Variants in MKLN1 observed in about 807,000 individuals in gnomAD.
MKLN1 encodes muskelin 1.
A neutral mutation model predicts 99.0 loss-of-function variants in MKLN1; 18 were observed. The observed-to-expected ratio is 0.18, with a 90% CI of 0.13 to 0.27. The LOEUF is 0.27. Ranked by LOEUF, MKLN1 falls within the 10% of genes least tolerant of loss-of-function variation. The probability of loss-of-function intolerance (pLI) is 1.00; values close to 1 mark genes in which losing one functional copy is unlikely to be tolerated. For synonymous variants in MKLN1, 288 were observed against 293.2 expected (o/e 0.98, Z 0.18); for missense variants, 621 against 875.9 (o/e 0.71, Z 3.67).
At chr7:131,223,164 A>C (rs1003170630) in intron 3 of MKLN1, among the ~76,000 whole-genome samples, 1 of 152,224 alleles carries the variant, frequency 6.6e-6, no homozygotes, top group Non-Finnish European at 1.5e-5. Flanking sequence ...GGGTGAGTTT[A>C]TAGGGATTCT....
intron 1 of MKLN1, among the ~76,000 whole-genome samples, chr7:131,119,418 A>G (rs1329801864): frequency 1.3e-5 from 2 of 152,132 alleles, no homozygotes; most frequent in African/African-American, 2.4e-5. Context: ...TGGCTTTTCC[A>G]GGGCATAGTG....
chr7:131,464,650 C>G (rs1303773570), intron 14 of MKLN1, among the ~76,000 whole-genome samples: 1 of 152,156 alleles, frequency 6.6e-6, no homozygotes, highest in African/African-American at 2.4e-5. Flanking sequence ...GTGGCAGCTT[C>G]TTAGCTGTAT....
chr7:131,412,884 G>A (rs1210579768), intron 7 of MKLN1, among the ~76,000 whole-genome samples: 1 of 152,018 alleles, frequency 6.6e-6, no homozygotes, highest in Non-Finnish European at 1.5e-5. Flanking sequence ...AATATGCAGG[G>A]GAAAATTGCT....
intron 9 of MKLN1, among the ~76,000 whole-genome samples, chr7:131,435,941 G>A (rs935239653): frequency 1.3e-5 from 2 of 149,812 alleles, no homozygotes; most frequent in African/African-American, 2.5e-5. Flanking sequence ...AATATTATTT[G>A]TGCTAATTTA....
At chr7:131,151,620 A>G (rs936353028) in intron 2 of MKLN1, among the ~76,000 whole-genome samples, 1 of 152,218 alleles carries the variant, frequency 6.6e-6, no homozygotes, top group African/African-American at 2.4e-5. Flanking sequence ...TACTGGACAA[A>G]GTTATTTTAT....
chr7:131,259,191 T>C (rs919647393), intron 3 of MKLN1, among the ~76,000 whole-genome samples: 1 of 152,150 alleles, frequency 6.6e-6, no homozygotes, highest in Non-Finnish European at 1.5e-5. Context: ...CCCCTCTTCT[T>C]ACCATTAGAA....
chr7:131,485,329 G>A (rs1296057765), intron 17 of MKLN1, among the ~76,000 whole-genome samples: 1 of 152,032 alleles, frequency 6.6e-6, no homozygotes, highest in Non-Finnish European at 1.5e-5. Flanking sequence ...AATGGGAGGA[G>A]GGGAAGAAAC....
At chr7:131,129,737 T>C (rs77414838) in intron 1 of MKLN1, among the ~76,000 whole-genome samples, 2,625 of 152,232 alleles carry the variant, frequency 0.017, 31 homozygotes, top group Non-Finnish European at 0.025. Context: ...CCATACCCTG[T>C]GAATTTTTTA....
At chr7:131,163,440 C>G (rs554929987) in intron 2 of MKLN1, among the ~76,000 whole-genome samples, 61 of 152,326 alleles carry the variant, frequency 4.0e-4, no homozygotes, top group African/African-American at 1.4e-3. Flanking sequence ...ACATTAGATT[C>G]ACAGGTCAGC....
exon 2 of MKLN1, chr7:131,142,894 T>C: frequency 7.7e-7 from 1 of 1,304,786 alleles, no homozygotes; most frequent in Non-Finnish European, 1.0e-6. Flanking sequence ...CATAAACTAT[T>C]GGATTCATAA....
At chr7:131,396,336 G>A (rs929952677) in intron 4 of MKLN1, among the ~76,000 whole-genome samples, 1 of 152,180 alleles carries the variant, frequency 6.6e-6, no homozygotes, top group Non-Finnish European at 1.5e-5. Context: ...GCCTCCCAAA[G>A]TGCTGGGATT....
At chr7:131,143,251 G>A (rs1795763571) in intron 2 of MKLN1, among the ~76,000 whole-genome samples, 2 of 151,482 alleles carry the variant, frequency 1.3e-5, no homozygotes, top group South Asian at 2.1e-4. Flanking sequence ...GGCAAATCAC[G>A]AGGTCAGGAG....
At chr7:131,474,266 C>T (rs1796906406) in intron 16 of MKLN1, among the ~76,000 whole-genome samples, 1 of 152,158 alleles carries the variant, frequency 6.6e-6, no homozygotes, top group African/African-American at 2.4e-5. Context: ...AAAGAAACGA[C>T]TCAAAGGTTT....
At chr7:131,177,974 C>A (rs1312858029) in intron 2 of MKLN1, among the ~76,000 whole-genome samples, 2 of 152,148 alleles carry the variant, frequency 1.3e-5, no homozygotes, top group Non-Finnish European at 2.9e-5. Context: ...ACCCATATTT[C>A]AAGTCATGGT....
At chr7:131,261,108 C>A (rs1054041752) in intron 3 of MKLN1, among the ~76,000 whole-genome samples, 2 of 152,144 alleles carry the variant, frequency 1.3e-5, no homozygotes, top group African/African-American at 4.8e-5. Flanking sequence ...ACAAAGATGC[C>A]AAAAGCAATT....
chr7:131,235,506 C>T (rs1441530519), intron 3 of MKLN1, among the ~76,000 whole-genome samples: 1 of 152,164 alleles, frequency 6.6e-6, no homozygotes, highest in Admixed American at 6.5e-5. Flanking sequence ...GAACAGACTT[C>T]TGGTGAGTTT....
intron 1 of MKLN1, among the ~76,000 whole-genome samples, chr7:131,331,501 G>A (rs1799073614): frequency 6.6e-6 from 1 of 152,148 alleles, no homozygotes; most frequent in African/African-American, 2.4e-5. Context: ...AAATGTAAGA[G>A]GGGCAGGGCA....
At chr7:131,297,432 TAC>T (rs1157072719) in intron 3 of MKLN1, among the ~76,000 whole-genome samples, 12 of 150,004 alleles carry the variant, frequency 8.0e-5, no homozygotes, top group African/African-American at 7.3e-5. Flanking sequence ...TGTGTGTACA[TAC>T]ACACACACAC....
Position 131,167,671 on chromosome 7 carries a change from C to CAAAAA in MKLN1, c.-297+24741_-297+24745dup, listed in dbSNP as rs59503509. 1.4e-3 allele frequency among the ~76,000 whole-genome samples: 161 copies of CAAAAA among 116,072 alleles called. 2 individuals are homozygous for CAAAAA. The highest frequency in any genetic ancestry group is 3.8e-3 in the East Asian group (17 of 4,424). 76.1% of individuals were successfully genotyped at this position (116,072 alleles called of 152,430 possible). On this transcript the variant is annotated intron_variant, in intron 2 of 7. Coordinates refer to the MKLN1 transcript ENST00000416992. ...TGGGCAACAGAGCAAGACTCTGTCT[C>CAAAAA]AAAAAAAAAAAAAAATAATGTGGAA...
Sources: gnomAD v4.1 joint callset for allele counts (sites outside exome capture counted in the v4.1 genomes callset) on GRCh38, gnomAD v4.1.1 for gene constraint, MANE v1.5 for transcripts, NCBI Gene and HGNC (gene_info 2026-07-23, HGNC 2026-07-21) for gene names.